The following HCN1 variants were observed in gnomAD, a reference collection of about 807,000 sequenced individuals.
HCN1 encodes the protein potassium/sodium hyperpolarization-activated cyclic nucleotide-gated channel 1.
In HCN1, 13 loss-of-function variants were observed where a neutral mutation model predicts 78.9. That is an observed-to-expected ratio of 0.16 (90% CI 0.11 to 0.26). The LOEUF (loss-of-function observed/expected upper bound fraction) is 0.26, where lower values mean the gene tolerates loss of function less well. Ranked by LOEUF, HCN1 falls within the 10% of genes least tolerant of loss-of-function variation. The probability of loss-of-function intolerance (pLI) is 1.00; values close to 1 mark genes in which losing one functional copy is unlikely to be tolerated. For synonymous variants in HCN1, 552 were observed against 455.5 expected, an observed-to-expected ratio of 1.21 and a Z score of -2.70; for missense variants, 810 against 1,154.3, an observed-to-expected ratio of 0.70 and a Z score of 4.32.
At chr5:45,426,432 T>C (rs182547869) in intron 3 of HCN1, among the ~76,000 whole-genome samples, 1 of 152,300 alleles carries the variant, frequency 6.6e-6, no homozygotes, top group African/African-American at 2.4e-5. Flanking sequence ...GGGAGGGACC[T>C]GGTGGAGGTA....
intron 3 of HCN1, among the ~76,000 whole-genome samples, chr5:45,399,123 A>C (rs1739745292): frequency 6.6e-6 from 1 of 152,202 alleles, no homozygotes; most frequent in South Asian, 2.1e-4. Context: ...CCCTGCCTGC[A>C]TGGATAGCCA....
intron 5 of HCN1, among the ~76,000 whole-genome samples, chr5:45,305,658 C>T (rs540867090): frequency 2.1e-5 from 3 of 145,474 alleles, no homozygotes; most frequent in African/African-American, 5.1e-5. Context: ...GGAAGCCATT[C>T]GAAGGAAGAA....
rs183460562 is a variant in HCN1 at position 45,410,405 on chromosome 5, G to A, written c.1012-13695C>T. On this transcript the variant is annotated intron_variant, in intron 3 of 7. Coordinates refer to ENST00000303230, the MANE Select transcript of HCN1 (RefSeq NM_021072.4). Reference sequence around the variant, plus strand: ...TATTTCCATAGAGTTATCTATTTCAGGCAAAAGTACTCTTATGAGATCTGT... The same window carrying A: ...TATTTCCATAGAGTTATCTATTTCAAGCAAAAGTACTCTTATGAGATCTGT... Among the ~76,000 whole-genome samples the A allele has an allele frequency of 6.8e-4, 104 of 151,998 alleles. 2 individuals are homozygous for A. The highest frequency in any genetic ancestry group is 4.8e-3 in the Admixed American group (73 of 15,254).
intron 5 of HCN1, among the ~76,000 whole-genome samples, chr5:45,319,151 T>C (rs1381645688): frequency 6.6e-6 from 1 of 151,988 alleles, no homozygotes; most frequent in Admixed American, 6.6e-5. Context: ...CAGCTAAAAA[T>C]TAAAAGCTGG....
chr5:45,664,741 A>G (rs1489614586), intron 1 of HCN1, among the ~76,000 whole-genome samples: 3 of 152,118 alleles, frequency 2.0e-5, no homozygotes, highest in Admixed American at 1.3e-4. Context: ...AATCAAAACC[A>G]CACTGAGATA....
Position 45,583,937 on chromosome 5 carries a change from CT to C in HCN1, c.849+61247del, listed in dbSNP as rs543917978. On this transcript the variant is annotated intron_variant, in intron 2 of 7. Coordinates refer to ENST00000303230, the MANE Select transcript of HCN1 (RefSeq NM_021072.4). ...GTTCTTTTACATTTGTTGAGGAGTG[CT>C]TTACTTCCAACTATGTGGTCAATTT... Among the ~76,000 whole-genome samples the C allele has an allele frequency of 1.2e-3, 185 of 152,230 alleles. 1 individual carries two copies. The highest frequency in any genetic ancestry group is 4.3e-3 in the African/African-American group (180 of 41,560).
chr5:45,691,719 T>C (rs1360761361), intron 1 of HCN1, among the ~76,000 whole-genome samples: 1 of 152,158 alleles, frequency 6.6e-6, no homozygotes, highest in Non-Finnish European at 1.5e-5. Flanking sequence ...GAAGGTTGAA[T>C]TGTTTTCTTG....
intron 6 of HCN1, among the ~76,000 whole-genome samples, chr5:45,290,639 T>A (rs987359216): frequency 6.6e-6 from 1 of 152,024 alleles, no homozygotes; most frequent in African/African-American, 2.4e-5. Flanking sequence ...ACTTATTCAA[T>A]TAAAGGTGGC....
At chr5:45,363,487 C>T (rs1029535269) in intron 4 of HCN1, among the ~76,000 whole-genome samples, 3 of 151,860 alleles carry the variant, frequency 2.0e-5, no homozygotes, top group Non-Finnish European at 2.9e-5. Flanking sequence ...CTACACAGTT[C>T]CTCAGAGAGT....
rs1038996892 is a variant in HCN1 at position 45,260,125 on chromosome 5, T to A, written c.*1796A>T. 1 of 152,388 alleles carries A rather than the reference T, an allele frequency of 6.6e-6. No individual in the cohort carries two copies. The highest frequency in any genetic ancestry group is 6.5e-5 in the Admixed American group (1 of 15,304). The allele number at this position is 152,388 out of a possible 1,614,324, so 9.4% of individuals were successfully genotyped here. A position where few individuals can be genotyped will look rare whatever the true frequency, so the allele number is the denominator to read the frequency against. ...GGCAGCAAGGATCCACTTTAGAGTT[T>A]CTGCTTTTGTTTTTGTTTTCTGTCC... On this transcript the variant is annotated 3_prime_UTR_variant, in exon 8 of 8. Coordinates refer to ENST00000303230, the MANE Select transcript of HCN1 (RefSeq NM_021072.4).
At chr5:45,588,323 C>T (rs933860697) in intron 2 of HCN1, among the ~76,000 whole-genome samples, 4 of 152,180 alleles carry the variant, frequency 2.6e-5, no homozygotes, top group Admixed American at 2.6e-4. Context: ...GTACTTCAGA[C>T]TGAAACAGTT....
intron 6 of HCN1, among the ~76,000 whole-genome samples, chr5:45,296,117 G>C (rs549396504): frequency 9.2e-5 from 14 of 151,982 alleles, no homozygotes; most frequent in Non-Finnish European, 1.6e-4. Flanking sequence ...TAAAAGCTCT[G>C]AATGGAAACA....
At chr5:45,264,084 C>T (rs548477403) in intron 7 of HCN1, among the ~76,000 whole-genome samples, 11 of 152,354 alleles carry the variant, frequency 7.2e-5, no homozygotes, top group South Asian at 2.1e-4. Context: ...TGAGCCACCA[C>T]GCCCAGCTTC....
chr5:45,312,812 C>G (rs1443076224), intron 5 of HCN1, among the ~76,000 whole-genome samples: 1 of 152,082 alleles, frequency 6.6e-6, no homozygotes, highest in African/African-American at 2.4e-5. Flanking sequence ...GGCAGTGAGG[C>G]TGGGGGAGGG....
intron 2 of HCN1, among the ~76,000 whole-genome samples, chr5:45,596,229 T>C (rs1031506636): frequency 8.5e-5 from 13 of 152,180 alleles, no homozygotes; most frequent in Non-Finnish European, 1.9e-4. Flanking sequence ...TTGCAATAGG[T>C]TTATCAGGAC....
intron 3 of HCN1, among the ~76,000 whole-genome samples, chr5:45,421,351 C>T (rs1287890986): frequency 1.3e-5 from 2 of 152,134 alleles, no homozygotes; most frequent in African/African-American, 4.8e-5. Context: ...CGTGAGCCAC[C>T]ACGCCCGGCC....
intron 2 of HCN1, among the ~76,000 whole-genome samples, chr5:45,629,318 A>G (rs1222266430): frequency 2.0e-5 from 3 of 152,176 alleles, no homozygotes; most frequent in African/African-American, 7.2e-5. Flanking sequence ...GAAGATTTGA[A>G]CAACATTGTT....
At chr5:45,524,014 A>C (rs1318818833) in intron 2 of HCN1, among the ~76,000 whole-genome samples, 2 of 152,038 alleles carry the variant, frequency 1.3e-5, no homozygotes, top group African/African-American at 2.4e-5. Context: ...TAAGTCTTTA[A>C]TCCATCTTGA....
chr5:45,317,208 C>A (rs1435588083), intron 5 of HCN1, among the ~76,000 whole-genome samples: 4 of 152,064 alleles, frequency 2.6e-5, no homozygotes, highest in Non-Finnish European at 5.9e-5. Flanking sequence ...GATACTGGCA[C>A]CAAAACAGAG....
Sources: gnomAD v4.1 joint callset for allele counts (sites outside exome capture counted in the v4.1 genomes callset) on GRCh38, gnomAD v4.1.1 for gene constraint, MANE v1.5 for transcripts, NCBI Gene and HGNC (gene_info 2026-07-23, HGNC 2026-07-21) for gene names.